DLC1: variants seen among roughly 807,000 people sequenced by gnomAD.
DLC1 encodes DLC1 Rho GTPase activating protein, also known as rho GTPase-activating protein 7.
DLC1 carries 54 observed loss-of-function variants against 140.3 expected under a neutral mutation model. The observed-to-expected ratio is 0.38, with a 90% CI of 0.31 to 0.48. DLC1 has a LOEUF of 0.48. DLC1 is among the 20% of genes least tolerant of loss of function. DLC1 has a pLI of 0.96. For synonymous variants in DLC1, 986 were observed against 728.1 expected, an observed-to-expected ratio of 1.35 and a Z score of -5.70; for missense variants, 2,536 against 1,907.0, an observed-to-expected ratio of 1.33 and a Z score of -6.14.
chr8:13,575,528 T>C (rs1011841111), intron 1 of DLC1, among the ~76,000 whole-genome samples: 1 of 152,166 alleles, frequency 6.6e-6, no homozygotes, highest in African/African-American at 2.4e-5. Flanking sequence ...ATGGGCTTTC[T>C]TATCAGCTAG....
chr8:13,095,710 T>A (rs1197666325), intron 10 of DLC1: 1 of 158,724 alleles, frequency 6.3e-6, no homozygotes, highest in African/African-American at 2.4e-5. Flanking sequence ...TCTGATAGAG[T>A]GTGAAAAACA....
rs769567674 is a variant in DLC1, at chr8:13,100,265, C to G, written c.2072G>C (p.Gly691Ala). 5 of 1,614,148 alleles carry G rather than the reference C, an allele frequency of 3.1e-6. No homozygotes were observed. Among genetic ancestry groups the G allele is most frequent in the East Asian group, 2.2e-5 (1 of 44,868 alleles). The change falls in exon 9 of 18, where the codon GGG becomes GCG. Residue 691 changes from glycine (G) to alanine (A), a missense_variant. Physicochemically the swap from Gly to Ala is moderately conservative, Grantham distance 60. Transcript: ENST00000276297. Reference protein sequence around the residue: ...HSKHKAPSKLGLIISGPILQE... With the variant: ...HSKHKAPSKLALIISGPILQE... ...CAAGATGGGCCCGCTGATGATCAACCCCAGCTTTGAGGGCGCTTTGTGCTT... is the reference window on the plus strand; with the variant it reads ...CAAGATGGGCCCGCTGATGATCAACGCCAGCTTTGAGGGCGCTTTGTGCTT...
chr8:13,577,356 C>T (rs1261994363), intron 1 of DLC1, among the ~76,000 whole-genome samples: 1 of 152,030 alleles, frequency 6.6e-6, no homozygotes, highest in Admixed American at 6.6e-5. Context: ...GGTCAGTGTC[C>T]GTGTCCACAG....
At chr8:13,388,723 A>T (rs982583980) in intron 4 of DLC1, among the ~76,000 whole-genome samples, 1 of 152,038 alleles carries the variant, frequency 6.6e-6, no homozygotes, top group Non-Finnish European at 1.5e-5. Context: ...TGCATATATA[A>T]TCTATTTTAT....
chr8:13,109,068 T>C (rs1445164234), intron 7 of DLC1, among the ~76,000 whole-genome samples: 1 of 152,312 alleles, frequency 6.6e-6, no homozygotes, highest in Non-Finnish European at 1.5e-5. Flanking sequence ...TCTTAAACCA[T>C]GAGAACTAGT....
In DLC1 at chr8:13,520,158, A is replaced by G. The variant is rs571622029; in HGVS notation, c.-125-19962T>C. Among the ~76,000 whole-genome samples the G allele has an allele frequency of 3.3e-5, 5 of 152,354 alleles. No individual in the cohort carries two copies. The East Asian group carries it at 9.6e-4, about 29-fold the overall frequency. On this transcript the variant is annotated intron_variant, in intron 1 of 1. Transcript: ENST00000631382. ...AAAGGATTATAAATCATTCTACGAT[A>G]AAGACACATGCACACATATGTTTAT...
At chr8:13,210,173 C>G (rs1257238628) in intron 5 of DLC1, among the ~76,000 whole-genome samples, 1 of 152,112 alleles carries the variant, frequency 6.6e-6, no homozygotes, top group African/African-American at 2.4e-5. Context: ...ATACTGATTT[C>G]TTGCTTTTAT....
At chr8:13,548,241 C>T (rs1008374271) in intron 1 of DLC1, among the ~76,000 whole-genome samples, 7 of 152,078 alleles carry the variant, frequency 4.6e-5, no homozygotes, top group African/African-American at 9.7e-5. Context: ...CCCGACCCTA[C>T]ACCTCACTAG....
intron 5 of DLC1, among the ~76,000 whole-genome samples, chr8:13,201,496 C>T (rs1027786167): frequency 6.6e-6 from 1 of 151,990 alleles, no homozygotes; most frequent in African/African-American, 2.4e-5. Context: ...TATTGAACAA[C>T]TACAAGAACT....
Position 13,099,560 on chromosome 8 carries a change from T to C in DLC1, c.2777A>G (p.Lys926Arg). 6.2e-7 allele frequency: 1 copy of C among 1,614,136 alleles called. No individual in the cohort carries two copies. Among genetic ancestry groups the C allele is most frequent in the Non-Finnish European group, 8.5e-7 (1 of 1,180,006 alleles). Residue 926 changes from lysine (K) to arginine (R), a missense_variant, in exon 9 of 18, where the codon AAG becomes AGG. Transcript: ENST00000276297. ...GTCCGAATCTCCCTCATCAGAAAAC[T>C]TCTCCGACCACTGATTGACTATCCG... ...MQRIVNQWSE[K>R]FSDEGDSDSA...
intron 5 of DLC1, among the ~76,000 whole-genome samples, chr8:13,186,186 T>C (rs1826360830): frequency 6.6e-6 from 1 of 152,202 alleles, no homozygotes; most frequent in Non-Finnish European, 1.5e-5. Context: ...TGAAATTGAA[T>C]GTTGGCCTGC....
chr8:13,251,537 C>T (rs1194150784), intron 5 of DLC1, among the ~76,000 whole-genome samples: 1 of 152,154 alleles, frequency 6.6e-6, no homozygotes, highest in African/African-American at 2.4e-5. Flanking sequence ...ACCTCTTTTA[C>T]ATGACAAACT....
At chr8:13,483,083 C>G (rs1327892926) in intron 2 of DLC1, among the ~76,000 whole-genome samples, 2 of 152,168 alleles carry the variant, frequency 1.3e-5, no homozygotes, top group Non-Finnish European at 2.9e-5. Flanking sequence ...CTTTCCTTCC[C>G]TCTTCTGGCT....
rs1823925103 is a variant in DLC1, at chr8:13,152,796, GAC to G, written c.1349-37141_1349-37140del. 5.8e-5 allele frequency among the ~76,000 whole-genome samples: 7 copies of G among 119,726 alleles called. No individual in the cohort carries two copies. The South Asian group carries it at 2.0e-3, about 35-fold the overall frequency. 78.5% of individuals were successfully genotyped at this position (119,726 alleles called of 152,430 possible). A position where few individuals can be genotyped will look rare whatever the true frequency, so the allele number is the denominator to read the frequency against. Reference sequence around the variant, plus strand: ...CTTGCCACTGCACTCTAGCCTGGGTGACAGACTGAGACCCTGTCTCTGGGGAA... The same window carrying G: ...CTTGCCACTGCACTCTAGCCTGGGTGAGACTGAGACCCTGTCTCTGGGGAA... On this transcript the variant is annotated intron_variant, in intron 5 of 17. Coordinates refer to ENST00000276297, the MANE Select transcript of DLC1 (RefSeq NM_182643.3).
At chr8:13,500,360 A>G (rs1303711045) in intron 1 of DLC1, among the ~76,000 whole-genome samples, 164 bp from the exon 2 acceptor site, 2 of 152,226 alleles carry the variant, frequency 1.3e-5, no homozygotes, top group Non-Finnish European at 2.9e-5. Context: ...GCCTAATACT[A>G]GAAGGAAATT....
At chr8:13,443,545 G>C (rs565077643) in intron 2 of DLC1, among the ~76,000 whole-genome samples, 3 of 151,116 alleles carry the variant, frequency 2.0e-5, no homozygotes, top group African/African-American at 7.3e-5. Flanking sequence ...TGTAGTCCCA[G>C]CTACTTGAGA....
rs539110403 is a variant in DLC1 at position 13,125,706 on chromosome 8, C to A, written c.1349-10049G>T. 3.3e-5 allele frequency among the ~76,000 whole-genome samples: 5 copies of A among 152,022 alleles called. No individual in the cohort carries two copies. In the East Asian group the frequency reaches 9.7e-4, roughly 30 times the overall value. On this transcript the variant is annotated intron_variant, in intron 5 of 17. Coordinates refer to ENST00000276297, the MANE Select transcript of DLC1 (RefSeq NM_182643.3). ...TTTCAGTCCTAGTAAGGAATGGAAG[C>A]TTTGGGGAGCTTCCTTTTTAAGTTT...
At chr8:13,412,139 T>C (rs568742297) in intron 2 of DLC1, among the ~76,000 whole-genome samples, 2 of 152,106 alleles carry the variant, frequency 1.3e-5, no homozygotes, top group East Asian at 1.9e-4. Context: ...CCTAATAAAA[T>C]TGGTCAAAGC....
At chr8:13,171,540 G>T (rs192382221) in intron 5 of DLC1, among the ~76,000 whole-genome samples, 3 of 152,130 alleles carry the variant, frequency 2.0e-5, no homozygotes, top group Non-Finnish European at 4.4e-5. Context: ...ACAGGTGCGT[G>T]CCACCATGCC....
Sources: gnomAD v4.1 joint callset for allele counts (sites outside exome capture counted in the v4.1 genomes callset) on GRCh38, gnomAD v4.1.1 for gene constraint, MANE v1.5 for transcripts, NCBI Gene and HGNC (gene_info 2026-07-23, HGNC 2026-07-21) for gene names.